The following PDE1A variants were observed in gnomAD, a reference collection of about 807,000 sequenced individuals.
The protein encoded by PDE1A is dual specificity calcium/calmodulin-dependent 3',5'-cyclic nucleotide phosphodiesterase 1A.
In PDE1A, 35 loss-of-function variants were observed where a neutral mutation model predicts 61.7. The ratio of observed to expected loss-of-function variants is 0.57; its 90% CI spans 0.43 to 0.75. PDE1A has a LOEUF of 0.75. Among genes scored for constraint, PDE1A ranks in the 30% least tolerant of loss-of-function variants. The pLI is 0.00. For missense variants in PDE1A, 597 were observed against 630.6 expected (o/e 0.95, Z 0.57); for synonymous variants, 232 against 213.2 (o/e 1.09, Z -0.77).
chr2:182,376,425 A>G (rs1413016802), intron 1 of PDE1A, among the ~76,000 whole-genome samples: 1 of 152,214 alleles, frequency 6.6e-6, no homozygotes, highest in African/African-American at 2.4e-5. Context: ...CTAAGACATA[A>G]TAAGAGTCAC....
chr2:182,262,618 G>T (rs1468324645), intron 2 of PDE1A, among the ~76,000 whole-genome samples: 3 of 152,094 alleles, frequency 2.0e-5, no homozygotes, highest in African/African-American at 7.2e-5. Flanking sequence ...TAGTAGAGGA[G>T]TTTCACTCTG....
chr2:182,632,047 G>A, the PDE1A span, among the ~76,000 whole-genome samples: 1 of 152,126 alleles, frequency 6.6e-6, no homozygotes, highest in Non-Finnish European at 1.5e-5. Flanking sequence ...CTTTCAAAGG[G>A]TTTTATTCTC....
intron 4 of PDE1A, 145 bp from the exon 5 acceptor site, chr2:182,231,276 C>A (rs944598895): frequency 1.1e-5 from 7 of 625,866 alleles, no homozygotes; most frequent in Non-Finnish European, 2.0e-5. Flanking sequence ...TTTCATAGGA[C>A]AGGACCACTT....
intron 1 of PDE1A, among the ~76,000 whole-genome samples, chr2:182,355,141 C>T (rs1699103625): frequency 6.6e-6 from 1 of 151,774 alleles, no homozygotes; most frequent in African/African-American, 2.4e-5. Flanking sequence ...CTCATATACA[C>T]AAGAAAACAT....
chr2:182,461,919 G>A (rs754639463), intron 2 of PDE1A, among the ~76,000 whole-genome samples: 5 of 152,070 alleles, frequency 3.3e-5, no homozygotes, highest in Admixed American at 3.3e-4. Context: ...GTTTTTCCCA[G>A]AAGCCCCAGA....
intron 1 of PDE1A, among the ~76,000 whole-genome samples, chr2:182,413,776 A>G (rs1702755909): frequency 6.6e-6 from 1 of 152,138 alleles, no homozygotes. Flanking sequence ...AAGTTCTGGG[A>G]AATCCTCTTG....
intron 1 of PDE1A, among the ~76,000 whole-genome samples, chr2:182,323,561 A>C (rs2124861975): frequency 6.6e-6 from 1 of 152,318 alleles, no homozygotes; most frequent in South Asian, 2.1e-4. Flanking sequence ...AAGAGCCAAA[A>C]GTTTCTTTCA....
intron 13 of PDE1A, among the ~76,000 whole-genome samples, chr2:182,172,350 C>T (rs1002076103): frequency 1.3e-5 from 2 of 152,154 alleles, no homozygotes; most frequent in Admixed American, 1.3e-4. Context: ...CATTTGTTTG[C>T]ACTGGTACAC....
chr2:182,245,653 G>A (rs1410730996), intron 2 of PDE1A, among the ~76,000 whole-genome samples: 1 of 151,962 alleles, frequency 6.6e-6, no homozygotes, highest in Non-Finnish European at 1.5e-5. Context: ...TTGGTAATAT[G>A]CATTTTTCTC....
At chr2:182,687,807 G>C in the PDE1A span, among the ~76,000 whole-genome samples, 1 of 152,130 alleles carries the variant, frequency 6.6e-6, no homozygotes, top group Non-Finnish European at 1.5e-5. Context: ...TGGCTAACTA[G>C]AACAACCAAT....
At chr2:182,565,924 T>C in the PDE1A span, among the ~76,000 whole-genome samples, 5,600 of 152,200 alleles carry the variant, frequency 0.037, 204 homozygotes, top group African/African-American at 0.093. Context: ...CTGATAAGCT[T>C]TCATTTGCTA....
At chr2:182,642,464 ACTCTGAATTTGCC>A in the PDE1A span, among the ~76,000 whole-genome samples, 1,469 of 152,172 alleles carry the variant, frequency 9.7e-3, 24 homozygotes, top group African/African-American at 0.034. Context: ...AAACCTGAGG[ACTCTGAATTTGCC>A]CACTGTGAGT....
chr2:182,399,685 A>T (rs916442869), intron 1 of PDE1A, among the ~76,000 whole-genome samples: 3 of 152,074 alleles, frequency 2.0e-5, no homozygotes, highest in African/African-American at 7.2e-5. Context: ...CCATTCTAGT[A>T]TAGAGTTTAC....
At chr2:182,708,866 A>AT in the PDE1A span, among the ~76,000 whole-genome samples, 1 of 152,212 alleles carries the variant, frequency 6.6e-6, no homozygotes, top group Admixed American at 6.5e-5. Flanking sequence ...TTTACCTCAT[A>AT]GGGCTGTTGT....
In PDE1A at chr2:182,382,326, T is replaced by G. The variant is rs12470722; in HGVS notation, c.53+44252A>C. Among the ~76,000 whole-genome samples, 737 of 152,296 alleles carry G rather than the reference T, an allele frequency of 4.8e-3. 19 individuals are homozygous for G. Among genetic ancestry groups the G allele is most frequent in the Admixed American group, 0.034 (522 of 15,302 alleles). ...AACGTTTTGACAAATGGTTTGAAGATGGAAGGGCTCAAGAACAAGGAAGAA... is the reference window on the plus strand; with the variant it reads ...AACGTTTTGACAAATGGTTTGAAGAGGGAAGGGCTCAAGAACAAGGAAGAA... On this transcript the variant is annotated intron_variant, in intron 1 of 13. Coordinates refer to ENST00000351439, the Ensembl canonical transcript of PDE1A.
At chr2:182,495,212 T>C (rs1688638718) in intron 2 of PDE1A, among the ~76,000 whole-genome samples, 2 of 152,216 alleles carry the variant, frequency 1.3e-5, no homozygotes. Context: ...CACAGTCTCT[T>C]GGCTTTAGCC....
chr2:182,353,994 A>G (rs1174038708), intron 1 of PDE1A, among the ~76,000 whole-genome samples: 1 of 152,138 alleles, frequency 6.6e-6, no homozygotes, highest in Non-Finnish European at 1.5e-5. Context: ...CTTTGCAACC[A>G]TAAGACTTTA....
intron 7 of PDE1A, among the ~76,000 whole-genome samples, chr2:182,220,622 C>A (rs568035652): frequency 1.3e-5 from 2 of 152,148 alleles, no homozygotes; most frequent in South Asian, 4.1e-4. Context: ...CTGGCATTTT[C>A]TTTTCACAAA....
intron 1 of PDE1A, among the ~76,000 whole-genome samples, chr2:182,336,195 T>G (rs1697797061): frequency 6.6e-6 from 1 of 152,178 alleles, no homozygotes; most frequent in Admixed American, 6.5e-5. Flanking sequence ...TCAACCATTG[T>G]GGAAGACAGT....
Sources: allele counts gnomAD v4.1 joint callset (sites outside exome capture counted in the v4.1 genomes callset), GRCh38; gene constraint gnomAD v4.1.1; transcripts MANE v1.5; gene names NCBI Gene and HGNC (gene_info 2026-07-23, HGNC 2026-07-21).